The following MAP3K11 variants were observed in gnomAD, a reference collection of about 807,000 sequenced individuals.
The protein encoded by MAP3K11 is SH3 domain-containing proline-rich kinase.
MAP3K11 carries 46 observed loss-of-function variants against 84.9 expected under a neutral mutation model. The ratio of observed to expected loss-of-function variants is 0.54; its 90% CI spans 0.43 to 0.69. The LOEUF is 0.69. Among genes scored for constraint, MAP3K11 ranks in the 30% least tolerant of loss-of-function variants. The pLI is 0.00. For synonymous variants in MAP3K11, 527 were observed against 514.7 expected (o/e 1.02, Z -0.32); for missense variants, 1,053 against 1,198.3 (o/e 0.88, Z 1.79).
intron 1 of MAP3K11, chr11:65,609,825 G>A (rs901280650): frequency 3.3e-5 from 5 of 152,342 alleles, no homozygotes; most frequent in African/African-American, 1.2e-4. Context: ...ACTTCCCAGA[G>A]GAGGTGGCAG....
At chr11:65,607,609 G>C (rs1854526963) in intron 4 of MAP3K11, 32 bp downstream of exon 4, 2 of 1,579,958 alleles carry the variant, frequency 1.3e-6, no homozygotes, top group African/African-American at 1.3e-5. Context: ...GGAGACACTC[G>C]TTCCAACGCT....
At chr11:65,608,164 G>A (rs1031840519) in intron 2 of MAP3K11, 94 bp from the exon 3 acceptor site, 23 of 1,593,754 alleles carry the variant, frequency 1.4e-5, no homozygotes, top group Non-Finnish European at 1.9e-5. Context: ...GAGCCAAGTG[G>A]TTTGGGTCCC....
intron 6 of MAP3K11, chr11:65,606,340 C>T (rs1195728132): frequency 2.2e-6 from 1 of 451,348 alleles, no homozygotes; most frequent in African/African-American, 2.0e-5. Flanking sequence ...TTGATTCTGG[C>T]TCTTCCACTT....
rs1370442501 is a variant in MAP3K11 at position 65,613,815 on chromosome 11, C to T, written c.-59G>A. On this transcript the variant is annotated 5_prime_UTR_variant, in exon 1 of 10. The change creates a new upstream start codon in the 5' untranslated region. Transcript: ENST00000309100. ...CTTCTCTGGGTGCCCGTGGTCCCCA[C>T]CCCCGCTGGCTGCCAAGGCCCTAGT... The T allele has an allele frequency of 1.4e-6, 2 of 1,460,308 alleles. No individual in the cohort carries two copies. Among genetic ancestry groups the T allele is most frequent in the African/African-American group, 2.8e-5 (2 of 70,934 alleles). The allele number at this position is 1,460,308 out of a possible 1,614,324, so 90.5% of individuals were successfully genotyped here.
chr11:65,599,945 A>C (rs1236906659), intron 8 of MAP3K11, among the ~76,000 whole-genome samples, 177 bp from the exon 9 acceptor site: 1 of 152,146 alleles, frequency 6.6e-6, no homozygotes, highest in Non-Finnish European at 1.5e-5. Context: ...CTTTCACAAG[A>C]TGGGCACTGG....
Position 65,613,712 on chromosome 11 carries a change from T to C in MAP3K11, c.45A>G (p.Ser15=). Residue 15 remains serine (S), a synonymous_variant, in exon 1 of 10, where the codon TCA becomes TCG. Transcript: ENST00000309100. The part of the protein sequence containing the change: ...KSLFLKSPLG[S]WNGSGSGGGG... ...CACCCCCGCTGCCACTGCCATTCCA[T>C]GACCCTAGAGGGCTCTTGAGGAAGA... The C allele has an allele frequency of 7.6e-7, 1 of 1,321,640 alleles. No individual in the cohort carries two copies. The highest frequency in any genetic ancestry group is 1.0e-6 in the Non-Finnish European group (1 of 953,122). 81.9% of individuals were successfully genotyped at this position (1,321,640 alleles called of 1,614,324 possible). A position where few individuals can be genotyped will look rare whatever the true frequency, so the allele number is the denominator to read the frequency against.
chr11:65,603,333 C>G (rs1854474627), intron 8 of MAP3K11, among the ~76,000 whole-genome samples: 1 of 152,232 alleles, frequency 6.6e-6, no homozygotes, highest in Non-Finnish European at 1.5e-5. Context: ...CTATTCTTGA[C>G]CCAAAGATAG....
chr11:65,599,478 T>G lies in MAP3K11; in HGVS notation c.2122A>C (p.Thr708Pro). 1 of 1,498,776 alleles carries G rather than the reference T, an allele frequency of 6.7e-7. No homozygotes were observed. Among genetic ancestry groups the G allele is most frequent in the Non-Finnish European group, 8.8e-7 (1 of 1,130,836 alleles). The allele number at this position is 1,498,776 out of a possible 1,614,324, so 92.8% of individuals were successfully genotyped here. Residue 708 changes from threonine to proline, a missense_variant, in exon 9 of 10, where the codon ACT becomes CCT. By Grantham distance (38) the Thr-to-Pro change is conservative. Transcript: ENST00000309100. Reference protein sequence around the residue: ...FSLKTPDSPPTPAPLLLDLGI... With the variant: ...FSLKTPDSPPPPAPLLLDLGI... The stretch of plus-strand genomic sequence containing the variant: ...AGGTCCAGCAACAGGGGTGCAGGAG[T>G]GGGCGGGGAGTCGGGCGTCTTGAGC...
At chr11:65,599,140 G>A (rs767233839) in intron 9 of MAP3K11, among the ~76,000 whole-genome samples, 2 of 152,120 alleles carry the variant, frequency 1.3e-5, no homozygotes, top group Admixed American at 6.5e-5. Context: ...GATCACAGGC[G>A]TGCACCACTG....
intron 8 of MAP3K11, among the ~76,000 whole-genome samples, chr11:65,604,783 G>A (rs1001145843): frequency 6.6e-6 from 1 of 152,214 alleles, no homozygotes; most frequent in Non-Finnish European, 1.5e-5. Context: ...TCTTCTGAGA[G>A]CAGCTAAGCG....
intron 5 of MAP3K11, 153 bp from the exon 6 acceptor site, chr11:65,606,957 C>T (rs1590856632): frequency 3.0e-5 from 18 of 597,112 alleles, no homozygotes; most frequent in Middle Eastern, 4.2e-4. Flanking sequence ...TTCTTGAGCC[C>T]CTGGGTCTGG....
At position 65,599,669 on chromosome 11, in the gene MAP3K11, G is replaced by A. The variant is rs199635742; in HGVS notation, c.1931C>T (p.Ala644Val). 1.1e-5 allele frequency: 17 copies of A among 1,552,550 alleles called. No individual in the cohort carries two copies. Among genetic ancestry groups the A allele is most frequent in the African/African-American group, 6.8e-5 (5 of 73,790 alleles). The change falls in exon 9 of 10, where the codon GCG becomes GTG. Residue 644 changes from alanine (A) to valine (V), a missense_variant. By Grantham distance (64) the Ala-to-Val change is moderately conservative (BLOSUM62 0). Transcript: ENST00000309100. Reference protein sequence around the residue: ...SSGTPKLIQRALLRGTALLAS... With the variant: ...SSGTPKLIQRVLLRGTALLAS... ...GAGCAGGGCGGTGCCGCGCAGCAGC[G>A]CCCGCTGGATCAGCTTGGGCGTCCC... is the stretch of plus-strand genomic sequence containing the variant.
rs141168736 is a variant in MAP3K11, at chr11:65,612,824, C to T, written c.739+194G>A. On this transcript the variant is annotated intron_variant, in intron 1 of 9. Coordinates refer to ENST00000309100, the MANE Select transcript of MAP3K11 (RefSeq NM_002419.4). Reference sequence around the variant, plus strand: ...TGGGGTCAAGGACTTCTGAAGCTGGCGCAGGAAGACTCTGCTGGGTGCCTG... The same window carrying T: ...TGGGGTCAAGGACTTCTGAAGCTGGTGCAGGAAGACTCTGCTGGGTGCCTG... 303 of 498,524 alleles carry T rather than the reference C, an allele frequency of 6.1e-4. 3 individuals carry two copies. The East Asian group carries it at 9.7e-3, about 16-fold the overall frequency. 30.9% of individuals were successfully genotyped at this position (498,524 alleles called of 1,614,324 possible). A position where few individuals can be genotyped will look rare whatever the true frequency, so the allele number is the denominator to read the frequency against.
intron 6 of MAP3K11, chr11:65,606,287 C>T (rs1285832018): frequency 3.8e-6 from 2 of 523,832 alleles, no homozygotes; most frequent in Non-Finnish European, 6.5e-6. Context: ...CTGAAGTTTG[C>T]TGCTTAGTAA....
intron 6 of MAP3K11, 176 bp downstream of exon 6, chr11:65,606,515 T>C (rs1000154033): frequency 2.2e-6 from 1 of 464,040 alleles, no homozygotes; most frequent in African/African-American, 2.0e-5. Context: ...TAAAAAAAAA[T>C]AAGTAAAATT....
intron 5 of MAP3K11, 57 bp downstream of exon 5, chr11:65,607,213 G>A (rs1287438961): frequency 3.5e-6 from 5 of 1,432,742 alleles, no homozygotes; most frequent in African/African-American, 1.5e-5. Flanking sequence ...CACAGGCCTG[G>A]CTCCACCCCC....
At position 65,598,462 on chromosome 11, in the gene MAP3K11, C is replaced by A. The variant is rs1390193568; in HGVS notation, c.2373G>T (p.Leu791=). The A allele has an allele frequency of 1.9e-6, 3 of 1,612,682 alleles. No homozygotes were observed. The highest frequency in any genetic ancestry group is 2.5e-6 in the Non-Finnish European group (3 of 1,179,222). ...FVSAGPRPSP[L]PSPQPAPRRA... is the part of the protein sequence containing the mutation. The stretch of plus-strand genomic sequence containing the variant: ...GGCGGGGTGCAGGCTGTGGTGATGG[C>A]AGGGGAGAAGGCCGTGGCCCAGCTG... Residue 791 remains leucine (L), a synonymous_variant, in exon 10 of 10, where the codon CTG becomes CTT. Transcript: ENST00000309100.
intron 8 of MAP3K11, among the ~76,000 whole-genome samples, chr11:65,600,087 C>A (rs1565142160): frequency 2.0e-5 from 3 of 152,222 alleles, no homozygotes; most frequent in Admixed American, 1.3e-4. Context: ...CCTCTGTGGC[C>A]TGCCAGGGGC....
rs1565143863 is a variant in MAP3K11 at position 65,605,800 on chromosome 11, ATGAGTCATC to A, written c.1783_1791del (p.Asp595_Ser597del). ...GGTGTGGAAGGAGATCCTAAGGGGG[ATGAGTCATC>A]TGAATCCAGGTACCATGTGGCTTCG... On this transcript the variant is annotated inframe_deletion, in exon 8 of 10. Coordinates refer to ENST00000309100, the MANE Select transcript of MAP3K11 (RefSeq NM_002419.4). 1 of 1,612,556 alleles carries A rather than the reference ATGAGTCATC, an allele frequency of 6.2e-7. No homozygotes were observed. Among genetic ancestry groups the A allele is most frequent in the South Asian group, 1.1e-5 (1 of 90,954 alleles).
Sources: allele counts gnomAD v4.1 joint callset (sites outside exome capture counted in the v4.1 genomes callset), GRCh38; gene constraint gnomAD v4.1.1; transcripts MANE v1.5; gene names NCBI Gene and HGNC (gene_info 2026-07-23, HGNC 2026-07-21).